MYCBP2: variants seen among roughly 807,000 people sequenced by gnomAD.
The protein encoded by MYCBP2 is MYC binding protein 2, also known as E3 ubiquitin-protein ligase MYCBP2.
A neutral mutation model predicts 525.3 loss-of-function variants in MYCBP2; 120 were observed. The ratio of observed to expected loss-of-function variants is 0.23; its 90% CI spans 0.20 to 0.27. The LOEUF is 0.27. MYCBP2 is among the 10% of genes least tolerant of loss of function. The pLI, the probability that MYCBP2 is intolerant of heterozygous loss-of-function variation, is 1.00. For synonymous variants in MYCBP2, 1,894 were observed against 1,955.8 expected (o/e 0.97, Z 0.83); for missense variants, 4,149 against 5,657.1 (o/e 0.73, Z 8.55).
At chr13:77,302,242 T>C (rs943717419) in intron 1 of MYCBP2, among the ~76,000 whole-genome samples, 1 of 151,982 alleles carries the variant, frequency 6.6e-6, no homozygotes, top group Non-Finnish European at 1.5e-5. Context: ...AAGAAAAGCA[T>C]ACCTAGGCAC....
At chr13:77,162,650 T>TA (rs1224792084) in intron 43 of MYCBP2, among the ~76,000 whole-genome samples, 2 of 152,248 alleles carry the variant, frequency 1.3e-5, no homozygotes, top group Admixed American at 6.5e-5. Context: ...CAACCACACA[T>TA]AAACATACTC....
At chr13:77,214,521 G>C (rs1182056009) in intron 21 of MYCBP2, among the ~76,000 whole-genome samples, 2 of 152,084 alleles carry the variant, frequency 1.3e-5, no homozygotes, top group Non-Finnish European at 2.9e-5. Flanking sequence ...AGCGAAAAGA[G>C]CAAAGTGCAA....
chr13:77,300,260 C>T (rs1006995155), intron 1 of MYCBP2, among the ~76,000 whole-genome samples: 1 of 152,078 alleles, frequency 6.6e-6, no homozygotes, highest in Admixed American at 6.6e-5. Flanking sequence ...TGATGTAAAG[C>T]AGGAATAGGG....
At chr13:77,324,864 C>A (rs747426330) in intron 1 of MYCBP2, among the ~76,000 whole-genome samples, 4 of 152,152 alleles carry the variant, frequency 2.6e-5, no homozygotes, top group Non-Finnish European at 4.4e-5. Context: ...AATTTAAATT[C>A]TTTGAGAGGA....
Position 77,067,786 on chromosome 13 carries a change from G to A in MYCBP2, c.12250C>T (p.Pro4084Ser). ...LASIIGVKSL[P>S]PADISDIIHS... Reference sequence around the variant, plus strand: ...ATGATATCACTGATATCTGCTGGGGGGAGGGATTTCACTCCTATGATGCTG... The same window carrying A: ...ATGATATCACTGATATCTGCTGGGGAGAGGGATTTCACTCCTATGATGCTG... The change falls in exon 71 of 83, where the codon CCC (proline) becomes TCC (serine). Residue 4084 changes from proline to serine, a missense_variant. Around this residue, in one of 21 missense-constraint regions of MYCBP2, gnomAD observed 148 missense variants for 179.4 expected, o/e 0.82. Transcript: ENST00000544440. 1 of 1,614,082 alleles carries A rather than the reference G, an allele frequency of 6.2e-7. No individual in the cohort carries two copies.
At position 77,050,931 on chromosome 13, in the gene MYCBP2, TATA is replaced by T. The variant is rs375138614; in HGVS notation, c.13921+63_13921+65del. ...TCTGTCACTTGAAACAGAGCTTTCATATAATGTTTACATAAAACTATGGTATAT... is the reference window on the plus strand; with the variant it reads ...TCTGTCACTTGAAACAGAGCTTTCATATGTTTACATAAAACTATGGTATAT... On this transcript the variant is annotated intron_variant, in intron 82 of 82. Coordinates refer to ENST00000544440, the MANE Select transcript of MYCBP2 (RefSeq NM_015057.5). 442 of 1,363,804 alleles carry T rather than the reference TATA, an allele frequency of 3.2e-4. 3 individuals carry two copies. The African/African-American group carries it at 5.7e-3, about 17-fold the overall frequency. The allele number at this position is 1,363,804 out of a possible 1,614,324, so 84.5% of individuals were successfully genotyped here.
chr13:77,152,394 T>C (rs2056597442), intron 46 of MYCBP2, among the ~76,000 whole-genome samples: 1 of 152,166 alleles, frequency 6.6e-6, no homozygotes, highest in African/African-American at 2.4e-5. Context: ...AATCTGAAGA[T>C]GATACAGACA....
intron 17 of MYCBP2, among the ~76,000 whole-genome samples, chr13:77,234,778 T>C (rs1238534542): frequency 6.6e-6 from 1 of 151,984 alleles, no homozygotes; most frequent in Non-Finnish European, 1.5e-5. Context: ...AAAGCAGATA[T>C]ATAAATTACT....
intron 1 of MYCBP2, among the ~76,000 whole-genome samples, chr13:77,316,315 C>T (rs546832122): frequency 6.6e-5 from 10 of 152,170 alleles, no homozygotes; most frequent in African/African-American, 2.2e-4. Flanking sequence ...TACAGTAGCA[C>T]TAAAAACCAT....
intron 5 of MYCBP2, among the ~76,000 whole-genome samples, chr13:77,271,431 G>A (rs1427250283): frequency 6.6e-6 from 1 of 152,188 alleles, no homozygotes; most frequent in Non-Finnish European, 1.5e-5. Flanking sequence ...AAATGGACAA[G>A]TAGTATGCAT....
chr13:77,218,039 G>A, intron 20 of MYCBP2, 82 bp from the exon 21 acceptor site: 1 of 877,694 alleles, frequency 1.1e-6, no homozygotes, highest in Non-Finnish European at 1.8e-6. Flanking sequence ...ATGCAACAAG[G>A]AGTAGGAAAG....
chr13:77,087,876 G>A, intron 61 of MYCBP2: 1 of 299,226 alleles, frequency 3.3e-6, no homozygotes, highest in African/African-American at 2.2e-5. Flanking sequence ...AAGCACCCAG[G>A]CACAAATGAT....
intron 58 of MYCBP2, 79 bp downstream of exon 58, chr13:77,095,279 T>C: frequency 1.3e-6 from 2 of 1,530,024 alleles, no homozygotes; most frequent in Non-Finnish European, 1.8e-6. Context: ...GTAGGTCAAA[T>C]ACCGAACTAC....
chr13:77,091,429 C>CA (rs770244232), intron 59 of MYCBP2, among the ~76,000 whole-genome samples: 6,632 of 128,978 alleles, frequency 0.051, 194 homozygotes, highest in Middle Eastern at 0.12. Flanking sequence ...GACTTTTTAC[C>CA]AAAAAAAAAA....
chr13:77,102,972 A>C (rs1453564772), intron 55 of MYCBP2, among the ~76,000 whole-genome samples: 1 of 152,068 alleles, frequency 6.6e-6, no homozygotes, highest in Non-Finnish European at 1.5e-5. Flanking sequence ...AAATTAAGTA[A>C]GAGTAATGTT....
chr13:77,291,588 A>C (rs371128207), intron 2 of MYCBP2, among the ~76,000 whole-genome samples: 3 of 152,098 alleles, frequency 2.0e-5, no homozygotes, highest in Non-Finnish European at 4.4e-5. Context: ...CTCCACATGG[A>C]GAAACCCCGT....
At chr13:77,059,738 A>T (rs2038928327) in intron 76 of MYCBP2, 112 bp from the exon 77 acceptor site, 1 of 667,266 alleles carries the variant, frequency 1.5e-6, no homozygotes. Flanking sequence ...ATCCTTGGGA[A>T]ATCAGCCTGA....
chr13:77,095,423 T>C lies in MYCBP2; in HGVS notation c.10134A>G (p.Val3378=), dbSNP rs1219181909. ...AKPFQSQLPS[V]KEGISEDLPV... ...GAAGATCCTCAGAAATGCCTTCTTTTACACTGGGCAACTGAGATTGGAATG... is the reference window on the plus strand; with the variant it reads ...GAAGATCCTCAGAAATGCCTTCTTTCACACTGGGCAACTGAGATTGGAATG... Residue 3378 remains valine (V), a synonymous_variant, in exon 58 of 83, where the codon GTA becomes GTG. Transcript: ENST00000544440. 1.2e-6 allele frequency: 2 copies of C among 1,613,560 alleles called. No homozygotes were observed. The highest frequency in any genetic ancestry group is 1.7e-6 in the Non-Finnish European group (2 of 1,179,702).
chr13:77,126,455 A>G lies in MYCBP2; in HGVS notation c.7747T>C (p.Phe2583Leu). The G allele has an allele frequency of 6.2e-7, 1 of 1,614,034 alleles. No homozygotes were observed. Among genetic ancestry groups the G allele is most frequent in the African/African-American group, 1.3e-5 (1 of 75,054 alleles). The change falls in exon 53 of 83, where the codon TTC (phenylalanine) becomes CTC (leucine). Residue 2583 changes from phenylalanine (F) to leucine (L), a missense_variant. Coordinates refer to ENST00000544440, the MANE Select transcript of MYCBP2 (RefSeq NM_015057.5). ...EATMQEQDMPFLRGGPGMYKV... is the reference protein window; with the variant it reads ...EATMQEQDMPLLRGGPGMYKV... ...TACATGCCTGGCCCTCCTCGCAAGA[A>G]TGGCATATCTTGTTCTTGCATTGTT...
Sources: allele counts gnomAD v4.1 joint callset (sites outside exome capture counted in the v4.1 genomes callset), GRCh38; gene constraint gnomAD v4.1.1; regional missense constraint gnomAD v4.1.1; transcripts MANE v1.5; gene names NCBI Gene and HGNC (gene_info 2026-07-23, HGNC 2026-07-21).